RBMS3: variants seen among roughly 807,000 people sequenced by gnomAD.
RBMS3 encodes the protein RNA-binding motif, single-stranded-interacting protein 3.
RBMS3 carries 27 observed loss-of-function variants against 66.8 expected under a neutral mutation model. The observed-to-expected ratio is 0.40, with a 90% CI of 0.30 to 0.56. The LOEUF is 0.56. Ranked by LOEUF, RBMS3 falls within the 20% of genes least tolerant of loss-of-function variation. RBMS3 has a pLI of 0.40. For missense variants in RBMS3, 513 were observed against 549.5 expected (o/e 0.93, Z 0.66); for synonymous variants, 188 against 183.0 (o/e 1.03, Z -0.22).
At chr3:29,697,558 A>G (rs1211270467) in intron 4 of RBMS3, among the ~76,000 whole-genome samples, 1 of 152,218 alleles carries the variant, frequency 6.6e-6, no homozygotes, top group Non-Finnish European at 1.5e-5. Context: ...TACAGTTTGA[A>G]TGTATCTTGT....
At chr3:29,385,433 ACT>A (rs1197934248) in intron 1 of RBMS3, among the ~76,000 whole-genome samples, 1 of 152,072 alleles carries the variant, frequency 6.6e-6, no homozygotes, top group African/African-American at 2.4e-5. Flanking sequence ...TTTTGGTTTC[ACT>A]GTTTTACTCA....
At chr3:29,466,091 A>G (rs1391330112) in intron 2 of RBMS3, among the ~76,000 whole-genome samples, 1 of 152,056 alleles carries the variant, frequency 6.6e-6, no homozygotes, top group Non-Finnish European at 1.5e-5. Context: ...AAAATTCAAT[A>G]TGAATGCCTT....
intron 1 of RBMS3, among the ~76,000 whole-genome samples, chr3:29,380,830 C>T (rs889128351): frequency 6.6e-6 from 1 of 152,124 alleles, no homozygotes. Context: ...AACCTATAGA[C>T]CACTTTGAGT....
chr3:29,649,556 G>C (rs1178741199), intron 4 of RBMS3, among the ~76,000 whole-genome samples: 1 of 152,134 alleles, frequency 6.6e-6, no homozygotes, highest in African/African-American at 2.4e-5. Context: ...TGCTGTCATG[G>C]GTGATGGGTG....
intron 10 of RBMS3, among the ~76,000 whole-genome samples, chr3:29,927,757 T>C (rs992615676): frequency 5.9e-5 from 9 of 152,000 alleles, no homozygotes; most frequent in Non-Finnish European, 1.2e-4. Flanking sequence ...GCTAGAAAGG[T>C]AAATTGAAAG....
At chr3:29,607,523 C>A (rs2048353813) in intron 4 of RBMS3, among the ~76,000 whole-genome samples, 2 of 151,976 alleles carry the variant, frequency 1.3e-5, no homozygotes, top group Non-Finnish European at 2.9e-5. Context: ...AAGGCCCCAC[C>A]ACCCAATATC....
chr3:29,520,635 G>A (rs1157904680), intron 3 of RBMS3, among the ~76,000 whole-genome samples: 1 of 152,108 alleles, frequency 6.6e-6, no homozygotes, highest in Admixed American at 6.6e-5. Context: ...TAAACACGTA[G>A]GGAGGGTTTT....
At chr3:29,731,541 A>G (rs2054136804) in intron 4 of RBMS3, among the ~76,000 whole-genome samples, 1 of 152,130 alleles carries the variant, frequency 6.6e-6, no homozygotes, top group Non-Finnish European at 1.5e-5. Context: ...GTGAAAGCCT[A>G]CTTCTTTGCA....
chr3:29,791,300 TTGCTG>T (rs762774255), intron 6 of RBMS3, among the ~76,000 whole-genome samples: 3 of 152,218 alleles, frequency 2.0e-5, no homozygotes, highest in Non-Finnish European at 4.4e-5. Flanking sequence ...TTTTTATGTG[TTGCTG>T]TTTTAATAGA....
chr3:29,861,425 A>G (rs1473988479), intron 6 of RBMS3, among the ~76,000 whole-genome samples: 1 of 152,204 alleles, frequency 6.6e-6, no homozygotes, highest in Non-Finnish European at 1.5e-5. Flanking sequence ...CAATAAAGAA[A>G]TATTTAAAAC....
chr3:29,814,426 A>G (rs949939429), intron 6 of RBMS3, among the ~76,000 whole-genome samples: 3 of 152,108 alleles, frequency 2.0e-5, no homozygotes, highest in African/African-American at 7.2e-5. Context: ...CATCAAGGAT[A>G]TTGGTCTAAA....
At chr3:29,479,625 CA>C (rs1192297948) in intron 2 of RBMS3, among the ~76,000 whole-genome samples, 24 of 152,166 alleles carry the variant, frequency 1.6e-4, no homozygotes, top group African/African-American at 5.8e-4. Context: ...TCAAATAAGT[CA>C]AAACATGGAA....
intron 6 of RBMS3, among the ~76,000 whole-genome samples, chr3:29,798,290 A>AAGGGAAGGGAAGG (rs2057269613): frequency 1.2e-5 from 1 of 80,576 alleles, no homozygotes; most frequent in African/African-American, 6.4e-5. Context: ...GGAAGGGAAG[A>AAGGGAAGGGAAGG]GAAGGGAAGG....
chr3:29,883,040 A>C lies in RBMS3; in HGVS notation c.745-1122A>C, dbSNP rs551190913. Reference sequence around the variant, plus strand: ...CAGGACATTGATGTTGATCTAATTCAGTTTTAAATTCGAAAAAAGAAAAAA... The same window carrying C: ...CAGGACATTGATGTTGATCTAATTCCGTTTTAAATTCGAAAAAAGAAAAAA... On this transcript the variant is annotated intron_variant, in intron 7 of 14. Coordinates refer to ENST00000383767, the MANE Select transcript of RBMS3 (RefSeq NM_001003793.3). Among the ~76,000 whole-genome samples, 279 of 152,168 alleles carry C rather than the reference A, an allele frequency of 1.8e-3. 1 individual carries two copies. Among genetic ancestry groups the C allele is most frequent in the Non-Finnish European group, 3.2e-3 (220 of 67,990 alleles).
chr3:29,570,740 G>A (rs762434539), intron 3 of RBMS3, among the ~76,000 whole-genome samples: 6 of 152,120 alleles, frequency 3.9e-5, no homozygotes, highest in Non-Finnish European at 8.8e-5. Flanking sequence ...TGGACACTGA[G>A]GTTGCTTCCA....
At chr3:29,919,275 A>T (rs556524112) in intron 10 of RBMS3, among the ~76,000 whole-genome samples, 1 of 152,326 alleles carries the variant, frequency 6.6e-6, no homozygotes, top group Admixed American at 6.5e-5. Context: ...AATAATATCA[A>T]TATTGAATTA....
rs1039664646 is a variant in RBMS3 at position 29,373,144 on chromosome 3, C to T, written c.76-61599C>T. On this transcript the variant is annotated intron_variant, in intron 1 of 14. Coordinates refer to ENST00000383767, the MANE Select transcript of RBMS3 (RefSeq NM_001003793.3). Reference sequence around the variant, plus strand: ...CATATTACAGTTACTGTCTGGAGGCCACATGCATGTGGTGGTGATGTCATG... The same window carrying T: ...CATATTACAGTTACTGTCTGGAGGCTACATGCATGTGGTGGTGATGTCATG... Among the ~76,000 whole-genome samples the T allele has an allele frequency of 1.2e-4, 18 of 152,060 alleles. 1 individual carries two copies. The highest frequency in any genetic ancestry group is 2.6e-4 in the Admixed American group (4 of 15,270).
At chr3:29,670,230 T>C (rs755678181) in intron 4 of RBMS3, among the ~76,000 whole-genome samples, 1 of 152,210 alleles carries the variant, frequency 6.6e-6, no homozygotes, top group Non-Finnish European at 1.5e-5. Context: ...AATCTGACCT[T>C]ATTTGGAAAT....
intron 3 of RBMS3, among the ~76,000 whole-genome samples, chr3:29,569,943 T>C (rs1227392400): frequency 6.7e-6 from 1 of 149,520 alleles, no homozygotes; most frequent in Non-Finnish European, 1.5e-5. Context: ...TTGATGGGAT[T>C]ATAGAGATCC....
Sources: allele counts gnomAD v4.1 joint callset (sites outside exome capture counted in the v4.1 genomes callset), GRCh38; gene constraint gnomAD v4.1.1; transcripts MANE v1.5; gene names NCBI Gene and HGNC (gene_info 2026-07-23, HGNC 2026-07-21).